Variants in EDEM3 observed in about 807,000 individuals in gnomAD.
EDEM3 encodes ER degradation-enhancing alpha-mannosidase-like protein 3.
EDEM3 carries 60 observed loss-of-function variants against 110.2 expected under a neutral mutation model. That is an observed-to-expected ratio of 0.54 (90% CI 0.44 to 0.67). EDEM3 has a LOEUF of 0.67. EDEM3 is among the 30% of genes least tolerant of loss of function. EDEM3 has a pLI of 0.00. For synonymous variants in EDEM3, 352 were observed against 382.9 expected, an observed-to-expected ratio of 0.92 and a Z score of 0.94; for missense variants, 996 against 1,121.0, an observed-to-expected ratio of 0.89 and a Z score of 1.59.
chr1:184,737,540 G>A (rs1651899429), intron 3 of EDEM3, 71 bp downstream of exon 3: 3 of 1,424,598 alleles, frequency 2.1e-6, no homozygotes, highest in Non-Finnish European at 3.0e-6. Context: ...ATTATTATAT[G>A]TAAACTGTCT....
At chr1:184,719,296 T>G (rs750973263) in intron 10 of EDEM3, 51 bp from the exon 11 acceptor site, 1 of 1,506,640 alleles carries the variant, frequency 6.6e-7, no homozygotes, top group Admixed American at 2.3e-5. Flanking sequence ...GCTGATTTTA[T>G]CTCTAATCAT....
chr1:184,745,012 T>C (rs1652351681), intron 2 of EDEM3, among the ~76,000 whole-genome samples: 1 of 152,096 alleles, frequency 6.6e-6, no homozygotes, highest in Admixed American at 6.5e-5. Flanking sequence ...AGTTAAATTT[T>C]TGGGGTGATG....
intron 2 of EDEM3, among the ~76,000 whole-genome samples, chr1:184,742,178 G>A (rs1652181610): frequency 6.6e-6 from 1 of 152,026 alleles, no homozygotes; most frequent in Non-Finnish European, 1.5e-5. Flanking sequence ...AGAAAGGGGG[G>A]GAAATAACTT....
intron 19 of EDEM3, among the ~76,000 whole-genome samples, chr1:184,701,884 A>T (rs1489958547): frequency 6.6e-6 from 1 of 152,166 alleles, no homozygotes; most frequent in African/African-American, 2.4e-5. Context: ...TTATGCTAGC[A>T]TGATTATCAC....
chr1:184,745,456 G>A (rs977114926), intron 2 of EDEM3, among the ~76,000 whole-genome samples: 1 of 152,038 alleles, frequency 6.6e-6, no homozygotes, highest in African/African-American at 2.4e-5. Context: ...GTTTCAGATT[G>A]GGAAGATGAA....
intron 15 of EDEM3, among the ~76,000 whole-genome samples, chr1:184,711,452 A>G (rs1218555879): frequency 6.6e-6 from 1 of 152,154 alleles, no homozygotes; most frequent in East Asian, 1.9e-4. Context: ...GAAGTTAAAA[A>G]CTGTTACATG....
At position 184,723,865 on chromosome 1, in the gene EDEM3, TAAAAAAAA is replaced by T. The variant is rs71101940; in HGVS notation, c.748-17_748-10del. Reference sequence around the variant, plus strand: ...GCTTTTCTGGCATATTCCTGTAATTTAAAAAAAAAAAAAAAAAAAAGAAGTGCATATTT... The same window carrying T: ...GCTTTTCTGGCATATTCCTGTAATTTAAAAAAAAAAAAGAAGTGCATATTT... On this transcript the variant is annotated splice_polypyrimidine_tract_variant and intron_variant, in intron 7 of 19. Transcript: ENST00000318130. The T allele has an allele frequency of 6.1e-5, 67 of 1,091,042 alleles. 1 individual carries two copies. Among genetic ancestry groups the T allele is most frequent in the East Asian group, 4.6e-4 (14 of 30,392 alleles). The allele number at this position is 1,091,042 out of a possible 1,614,324, so 67.6% of individuals were successfully genotyped here. A position where few individuals can be genotyped will look rare whatever the true frequency, so the allele number is the denominator to read the frequency against.
Position 184,712,615 on chromosome 1 carries a change from CAAAT to C in EDEM3, c.1371-21_1371-18del. ...GAATCCATTCTAAAATAAAAAGTCA[CAAAT>C]AAATATAAGTAGATAAAAATAATTT... On this transcript the variant is annotated intron_variant, in intron 13 of 19. Transcript: ENST00000318130. 1 of 1,468,172 alleles carries C rather than the reference CAAAT, an allele frequency of 6.8e-7. No individual in the cohort carries two copies. The highest frequency in any genetic ancestry group is 9.2e-7 in the Non-Finnish European group (1 of 1,084,190). The allele number at this position is 1,468,172 out of a possible 1,614,324, so 90.9% of individuals were successfully genotyped here.
intron 14 of EDEM3, 52 bp from the exon 15 acceptor site, chr1:184,711,929 T>C: frequency 6.8e-7 from 1 of 1,463,530 alleles, no homozygotes; most frequent in Non-Finnish European, 9.2e-7. Context: ...TTACTTAACA[T>C]AATTTTTTTT....
At chr1:184,695,410 C>T (rs1382512596) in intron 19 of EDEM3, among the ~76,000 whole-genome samples, 1 of 151,914 alleles carries the variant, frequency 6.6e-6, no homozygotes, top group African/African-American at 2.4e-5. Context: ...AACTGTGACA[C>T]GTTATGAAAG....
intron 18 of EDEM3, among the ~76,000 whole-genome samples, chr1:184,706,313 G>T (rs1238494159): frequency 6.6e-6 from 1 of 152,150 alleles, no homozygotes; most frequent in Admixed American, 6.6e-5. Context: ...GTGGCACAGT[G>T]TAATTCTTGC....
intron 19 of EDEM3, among the ~76,000 whole-genome samples, chr1:184,699,934 T>G (rs1039455894): frequency 6.6e-6 from 1 of 151,942 alleles, no homozygotes; most frequent in Non-Finnish European, 1.5e-5. Flanking sequence ...AATTTGGACC[T>G]AAAGGTAACA....
At chr1:184,714,550 T>C (rs1044225258) in intron 13 of EDEM3, among the ~76,000 whole-genome samples, 9 of 152,120 alleles carry the variant, frequency 5.9e-5, no homozygotes, top group Admixed American at 5.9e-4. Flanking sequence ...TATAGGGTAA[T>C]AAACCACCAC....
Position 184,754,767 on chromosome 1 carries a change from A to G in EDEM3, c.-121T>C. 1 of 1,374,192 alleles carries G rather than the reference A, an allele frequency of 7.3e-7. No individual in the cohort carries two copies. Among genetic ancestry groups the G allele is most frequent in the Non-Finnish European group, 9.4e-7 (1 of 1,063,546 alleles). The allele number at this position is 1,374,192 out of a possible 1,614,324, so 85.1% of individuals were successfully genotyped here. A position where few individuals can be genotyped will look rare whatever the true frequency, so the allele number is the denominator to read the frequency against. On this transcript the variant is annotated 5_prime_UTR_variant, in exon 1 of 20. Coordinates refer to ENST00000318130, the MANE Select transcript of EDEM3 (RefSeq NM_025191.4). The stretch of plus-strand genomic sequence containing the variant: ...CGGGGCGGGATGCGGAGTAACACGG[A>G]CGGCCGCCGGCGCCAAACTGTTTCC...
At chr1:184,754,371 G>T (rs1571439479) in intron 1 of EDEM3, 118 bp downstream of exon 1, 6 of 1,485,754 alleles carry the variant, frequency 4.0e-6, no homozygotes, top group East Asian at 2.4e-5. Flanking sequence ...TTCTCGCGCG[G>T]GAAGAGCCGT....
In EDEM3 at chr1:184,702,990, T is replaced by C. The variant is rs1649712383; in HGVS notation, c.2210A>G (p.Asn737Ser). 1.3e-6 allele frequency: 2 copies of C among 1,598,866 alleles called. No homozygotes were observed. The highest frequency in any genetic ancestry group is 1.1e-5 in the South Asian group (1 of 88,330). ...GAIGGIVIDDNEGSSSDTAPL... is the reference protein window; with the variant it reads ...GAIGGIVIDDSEGSSSDTAPL... ...GGCAGTATCACTGCTGCTCCCCTCA[T>C]TGTCATCTAGCCAGAAAATAAATAC... The change falls in exon 19 of 20, where the codon AAT becomes AGT. Residue 737 changes from asparagine to serine, a missense_variant. Asn to Ser is a conservative substitution (Grantham distance 46). Transcript: ENST00000318130.
intron 13 of EDEM3, among the ~76,000 whole-genome samples, chr1:184,714,913 C>T (rs1650460394): frequency 6.6e-6 from 1 of 152,108 alleles, no homozygotes; most frequent in Non-Finnish European, 1.5e-5. Context: ...GTGAGCTGAA[C>T]ATAATAAAGC....
At chr1:184,722,047 A>G (rs1028446933) in intron 8 of EDEM3, among the ~76,000 whole-genome samples, 8 of 152,032 alleles carry the variant, frequency 5.3e-5, no homozygotes, top group African/African-American at 1.7e-4. Context: ...ATAATACACT[A>G]TCAAACTTCT....
chr1:184,715,326 GTA>G (rs1650486568), intron 13 of EDEM3, among the ~76,000 whole-genome samples: 1 of 152,166 alleles, frequency 6.6e-6, no homozygotes, highest in South Asian at 2.1e-4. Flanking sequence ...ATTCTGAACA[GTA>G]AATCATGTCT....
Sources: allele counts gnomAD v4.1 joint callset (sites outside exome capture counted in the v4.1 genomes callset), GRCh38; gene constraint gnomAD v4.1.1; transcripts MANE v1.5; gene names NCBI Gene and HGNC (gene_info 2026-07-23, HGNC 2026-07-21).